Variants in LUZP4 observed in about 807,000 individuals in gnomAD.
The protein encoded by LUZP4 is HOM-TES-85 tumor antigen.
Under a neutral mutation model 8.5 loss-of-function variants are expected in LUZP4, and 11 were observed. That is an observed-to-expected ratio of 1.30 (90% CI 0.82 to 2.14). LUZP4 has a LOEUF of 2.14. Among genes scored for constraint, LUZP4 ranks in the 30% most tolerant of loss-of-function variants. The pLI is 0.00. For missense variants in LUZP4, 276 were observed against 229.7 expected (o/e 1.20, Z -1.30); for synonymous variants, 104 against 79.4 (o/e 1.31, Z -1.65).
rs782278148 is a variant in LUZP4 at position 115,303,338 on chromosome X, C to CA, written c.263dup (p.His88GlnfsTer2). ...CAGAAGCAACTCTGAGGAAGGAAAT[C>CA]ATGATAAAAAACCATCCCAAAAACC... On this transcript the variant is annotated frameshift_variant, in exon 3 of 4. Coordinates refer to ENST00000371920, the MANE Select transcript of LUZP4 (RefSeq NM_016383.5). LOFTEE classifies it high-confidence loss of function. 1.8e-5 allele frequency: 22 copies of CA among 1,197,023 alleles called. No homozygotes were observed. In the African/African-American group the frequency reaches 3.5e-4, roughly 19 times the overall value.
At chrX:115,304,307 G>A (rs1199695184) in intron 3 of LUZP4, among the ~76,000 whole-genome samples, 2 of 111,121 alleles carry the variant, frequency 1.8e-5, no homozygotes, top group African/African-American at 6.5e-5. Context: ...TACATTGTGG[G>A]GATGTAGAAA....
At chrX:115,300,632 G>A (rs1355334362) in intron 1 of LUZP4, among the ~76,000 whole-genome samples, 1 of 111,320 alleles carries the variant, frequency 9.0e-6, no homozygotes, top group Non-Finnish European at 1.9e-5. Context: ...ACTGGGGCTG[G>A]TTTAAATCTT....
intron 1 of LUZP4, among the ~76,000 whole-genome samples, chrX:115,295,040 C>T (rs1158600630): frequency 1.4e-4 from 16 of 111,945 alleles, no homozygotes; most frequent in Admixed American, 6.6e-4. Flanking sequence ...GCAAAACTTT[C>T]GACTAGTTAT....
chrX:115,293,222 A>G (rs2073355933), intron 1 of LUZP4, among the ~76,000 whole-genome samples: 1 of 111,604 alleles, frequency 9.0e-6, no homozygotes, highest in African/African-American at 3.3e-5. Context: ...TGACCTAAGA[A>G]CTAGAGTGAA....
Position 115,306,548 on chromosome X carries a change from CAA to C in LUZP4, c.688_689del (p.Lys230GlufsTer4), listed in dbSNP as rs781808037. 39 of 1,206,537 alleles carry C rather than the reference CAA, an allele frequency of 3.2e-5. No individual in the cohort carries two copies. The highest frequency in any genetic ancestry group is 6.6e-5 in the Admixed American group (3 of 45,424). ...CACTCAGAGAGATCTCATGGTCACTCAAAGAGATCTCGTAGCCAGGGAGATCT... is the reference window on the plus strand; with the variant it reads ...CACTCAGAGAGATCTCATGGTCACTCAGAGATCTCGTAGCCAGGGAGATCT... On this transcript the variant is annotated frameshift_variant, in exon 4 of 4. Transcript: ENST00000371920. LOFTEE classifies it low-confidence loss of function (END_TRUNC).
chrX:115,298,989 A>C (rs2147402677), intron 1 of LUZP4, among the ~76,000 whole-genome samples: 1 of 111,678 alleles, frequency 9.0e-6, no homozygotes, highest in Admixed American at 9.5e-5. Context: ...TTGTGATCTA[A>C]GCAGTTTCTA....
At chrX:115,295,984 A>T (rs1603134041) in intron 1 of LUZP4, among the ~76,000 whole-genome samples, 1 of 112,121 alleles carries the variant, frequency 8.9e-6, no homozygotes, top group East Asian at 2.8e-4. Flanking sequence ...ACAGCTAAGT[A>T]AATATGTGCA....
chrX:115,300,890 G>A (rs782203012), intron 1 of LUZP4, among the ~76,000 whole-genome samples: 1 of 111,111 alleles, frequency 9.0e-6, no homozygotes, highest in Admixed American at 9.6e-5. Flanking sequence ...TACTATGAGT[G>A]CTCACATGAT....
chrX:115,296,770 G>T (rs1447729249), intron 1 of LUZP4, among the ~76,000 whole-genome samples: 7 of 111,489 alleles, frequency 6.3e-5, no homozygotes, highest in Admixed American at 1.9e-4. Flanking sequence ...AATTACGTAT[G>T]ATTTCACTTA....
At chrX:115,293,684 C>G (rs1556597882) in intron 1 of LUZP4, among the ~76,000 whole-genome samples, 1 of 111,003 alleles carries the variant, frequency 9.0e-6, no homozygotes, top group Non-Finnish European at 1.9e-5. Flanking sequence ...GGCGTGGTGG[C>G]TCACACCTAT....
intron 2 of LUZP4, among the ~76,000 whole-genome samples, chrX:115,302,346 AGT>A (rs1159984459): frequency 8.9e-6 from 1 of 112,051 alleles, no homozygotes; most frequent in Non-Finnish European, 1.9e-5. Flanking sequence ...CCTAATGGAG[AGT>A]GGGATAAAAA....
chrX:115,292,037 C>T (rs782162388), intron 1 of LUZP4, among the ~76,000 whole-genome samples: 45 of 112,551 alleles, frequency 4.0e-4, no homozygotes, highest in Non-Finnish European at 7.1e-4. Flanking sequence ...ACACCCACCT[C>T]GGCCTCACAC....
Position 115,306,873 on chromosome X carries a change from T to C in LUZP4, c.*69T>C. The C allele has an allele frequency of 2.0e-6, 2 of 979,492 alleles. No individual in the cohort carries two copies. The highest frequency in any genetic ancestry group is 1.9e-5 in the African/African-American group (1 of 52,811). 80.7% of individuals were successfully genotyped at this position (979,492 alleles called of 1,213,427 possible). On this transcript the variant is annotated 3_prime_UTR_variant, in exon 4 of 4. Coordinates refer to ENST00000371920, the MANE Select transcript of LUZP4 (RefSeq NM_016383.5). ...ATATCTATATTCTAATGGCTAAATA[T>C]GTATTTGTTGAAACATGTATATTGG...
chrX:115,303,937 T>C lies in LUZP4; in HGVS notation c.342+519T>C, dbSNP rs1280981258. Among the ~76,000 whole-genome samples the C allele has an allele frequency of 5.3e-5, 6 of 112,332 alleles. No individual in the cohort carries two copies. The Admixed American group carries it at 5.7e-4, about 11-fold the overall frequency. The stretch of plus-strand genomic sequence containing the variant: ...GGTGCTCAGATCCAGAATCATTAGC[T>C]AACATTGGTGTTAATGTTTCATCCT... On this transcript the variant is annotated intron_variant, in intron 3 of 3. Transcript: ENST00000371920.
At chrX:115,292,872 A>G (rs1377672937) in intron 1 of LUZP4, among the ~76,000 whole-genome samples, 1 of 111,126 alleles carries the variant, frequency 9.0e-6, no homozygotes, top group African/African-American at 3.3e-5. Context: ...TGTCTTTAAG[A>G]TGTTTTTAGC....
chrX:115,289,819 GA>G lies in LUZP4; in HGVS notation c.65del (p.Lys22ArgfsTer5). The G allele has an allele frequency of 8.3e-7, 1 of 1,208,117 alleles. No homozygotes were observed. Among genetic ancestry groups the G allele is most frequent in the Non-Finnish European group, 1.1e-6 (1 of 892,654 alleles). On this transcript the variant is annotated frameshift_variant, in exon 1 of 4. Transcript: ENST00000371920. LOFTEE classifies it high-confidence loss of function. ...EKVPPNHPSR[K>X]KVNFLDMSLD... The stretch of plus-strand genomic sequence containing the variant: ...AAGTGCCGCCAAATCATCCCAGTCG[GA>G]AAAAGGTTAACTTCCTAGATATGTC...
At chrX:115,293,007 C>CT (rs2073355124) in intron 1 of LUZP4, among the ~76,000 whole-genome samples, 1 of 110,832 alleles carries the variant, frequency 9.0e-6, no homozygotes, top group Admixed American at 9.7e-5. Context: ...ATTAAAATGA[C>CT]TTTAAAAATA....
intron 1 of LUZP4, among the ~76,000 whole-genome samples, chrX:115,301,432 C>T (rs782520658): frequency 8.0e-5 from 9 of 112,198 alleles, no homozygotes; most frequent in Non-Finnish European, 1.7e-4. Context: ...TGATTGCTTC[C>T]TGCTACTACA....
chrX:115,290,235 G>T (rs1199685312), intron 1 of LUZP4, among the ~76,000 whole-genome samples: 1 of 111,845 alleles, frequency 8.9e-6, no homozygotes, highest in African/African-American at 3.2e-5. Context: ...GGAGCCAAGT[G>T]CTCTTCTCAG....
Sources: allele counts gnomAD v4.1 joint callset (sites outside exome capture counted in the v4.1 genomes callset), GRCh38; gene constraint gnomAD v4.1.1; transcripts MANE v1.5; gene names NCBI Gene and HGNC (gene_info 2026-07-23, HGNC 2026-07-21).